ELMO1: variants seen among roughly 807,000 people sequenced by gnomAD.
ELMO1 encodes engulfment and cell motility protein 1.
In ELMO1, 26 loss-of-function variants were observed where a neutral mutation model predicts 98.9. That is an observed-to-expected ratio of 0.26 (90% confidence interval 0.19 to 0.36). ELMO1 has a LOEUF of 0.36. Among genes scored for constraint, ELMO1 ranks in the 10% least tolerant of loss-of-function variants. ELMO1 has a pLI of 1.00. For synonymous variants in ELMO1, 346 were observed against 346.0 expected (o/e 1.00, Z 0.00); for missense variants, 627 against 935.2 (o/e 0.67, Z 4.30).
chr7:37,169,146 G>C (rs371369311), intron 13 of ELMO1, among the ~76,000 whole-genome samples: 24 of 152,216 alleles, frequency 1.6e-4, no homozygotes, highest in Admixed American at 1.4e-3. Context: ...CTCCGAGCCA[G>C]GTGCGGGATA....
chr7:37,428,937 G>A (rs369270807), intron 1 of ELMO1, among the ~76,000 whole-genome samples: 1 of 152,314 alleles, frequency 6.6e-6, no homozygotes, highest in East Asian at 1.9e-4. Flanking sequence ...TCCATGTGTG[G>A]GAGAATAACT....
intron 14 of ELMO1, among the ~76,000 whole-genome samples, chr7:37,106,095 A>G (rs1784930116): frequency 6.6e-6 from 1 of 152,208 alleles, no homozygotes; most frequent in Non-Finnish European, 1.5e-5. Context: ...CAAACTCTCA[A>G]GCGTTTAGCT....
chr7:36,881,016 G>A (rs2129046755), intron 18 of ELMO1, among the ~76,000 whole-genome samples: 1 of 152,246 alleles, frequency 6.6e-6, no homozygotes, highest in East Asian at 1.9e-4. Flanking sequence ...TCCTATACAA[G>A]TTTCTCTTCT....
chr7:37,195,090 C>T (rs1791882838), intron 13 of ELMO1, among the ~76,000 whole-genome samples: 1 of 152,156 alleles, frequency 6.6e-6, no homozygotes, highest in Non-Finnish European at 1.5e-5. Context: ...GGGGTAGGAC[C>T]TGGACTGGGA....
intron 13 of ELMO1, among the ~76,000 whole-genome samples, chr7:37,151,026 A>G (rs961182224): frequency 2.0e-5 from 3 of 152,244 alleles, no homozygotes; most frequent in Non-Finnish European, 4.4e-5. Context: ...AGAAAGGCTC[A>G]TGCCCACCTG....
chr7:37,383,411 T>G (rs1802658076), intron 1 of ELMO1, among the ~76,000 whole-genome samples: 1 of 152,248 alleles, frequency 6.6e-6, no homozygotes, highest in South Asian at 2.1e-4. Context: ...TGATGCTATA[T>G]CAGAGGGCAT....
chr7:36,908,213 A>G (rs60164542), intron 16 of ELMO1, among the ~76,000 whole-genome samples: 7,349 of 152,314 alleles, frequency 0.048, 378 homozygotes, highest in African/African-American at 0.13. Flanking sequence ...CCAAGCACTC[A>G]GCTCAGAAGG....
At chr7:36,973,773 C>T (rs952444662) in intron 16 of ELMO1, among the ~76,000 whole-genome samples, 2 of 152,152 alleles carry the variant, frequency 1.3e-5, no homozygotes, top group Admixed American at 6.5e-5. Context: ...ACCGGGGCTG[C>T]GCGCGGCGCT....
intron 4 of ELMO1, among the ~76,000 whole-genome samples, chr7:37,286,007 G>C (rs1470921754): frequency 6.6e-6 from 1 of 151,416 alleles, no homozygotes; most frequent in Non-Finnish European, 1.5e-5. Context: ...AGAAAAAAGA[G>C]CTGCACTTAT....
At chr7:36,909,749 C>T (rs1584353159) in intron 16 of ELMO1, among the ~76,000 whole-genome samples, 1 of 152,136 alleles carries the variant, frequency 6.6e-6, no homozygotes, top group African/African-American at 2.4e-5. Flanking sequence ...TCCTTATTTG[C>T]TTTGGTTATA....
chr7:36,996,321 T>A lies in ELMO1; in HGVS notation c.1437+16978A>T, dbSNP rs561679993. Among the ~76,000 whole-genome samples the A allele has an allele frequency of 1.8e-4, 27 of 152,322 alleles. No homozygotes were observed. In the East Asian group the frequency reaches 2.1e-3, roughly 12 times the overall value. On this transcript the variant is annotated intron_variant, in intron 16 of 21. Coordinates refer to ENST00000310758, the MANE Select transcript of ELMO1 (RefSeq NM_014800.11). ...TTGTCCTAGAGTGTGCTTTTTCCTT[T>A]TAAGACCTTATCAGCTGATTTAAAA...
chr7:37,122,223 A>G (rs865778707), intron 14 of ELMO1, among the ~76,000 whole-genome samples: 2 of 152,256 alleles, frequency 1.3e-5, no homozygotes, highest in Admixed American at 6.5e-5. Context: ...AAGAAACTGC[A>G]TCAACTAACG....
chr7:37,024,068 T>C (rs1794431664), intron 15 of ELMO1, among the ~76,000 whole-genome samples: 1 of 152,162 alleles, frequency 6.6e-6, no homozygotes, highest in African/African-American at 2.4e-5. Context: ...GTGCTTCCTT[T>C]CTCCCTCCTT....
chr7:37,323,624 A>T (rs1278259257), intron 2 of ELMO1, among the ~76,000 whole-genome samples: 1 of 152,206 alleles, frequency 6.6e-6, no homozygotes, highest in East Asian at 1.9e-4. Context: ...CAGGAGGCAG[A>T]GGAAAAAAAC....
intron 15 of ELMO1, among the ~76,000 whole-genome samples, chr7:37,051,206 C>A (rs67406528): frequency 0.11 from 17,457 of 152,042 alleles, 1,163 homozygotes; most frequent in Middle Eastern, 0.2. Context: ...AAAAATGAAC[C>A]GTGTCTACTT....
chr7:36,946,107 T>C (rs186491537), intron 16 of ELMO1, among the ~76,000 whole-genome samples: 1 of 152,368 alleles, frequency 6.6e-6, no homozygotes, highest in Non-Finnish European at 1.5e-5. Flanking sequence ...TGTGCTTTTC[T>C]GCACCAAGCA....
intron 15 of ELMO1, among the ~76,000 whole-genome samples, chr7:37,075,049 C>A (rs745688557): frequency 6.6e-6 from 1 of 151,996 alleles, no homozygotes; most frequent in Non-Finnish European, 1.5e-5. Context: ...AAGATGTCCA[C>A]GAGCAATAAA....
chr7:37,332,772 G>A (rs557758161), intron 2 of ELMO1, among the ~76,000 whole-genome samples: 2 of 152,314 alleles, frequency 1.3e-5, no homozygotes, highest in African/African-American at 2.4e-5. Context: ...GGGGCAGGGG[G>A]CCCTGCCAAC....
intron 1 of ELMO1, among the ~76,000 whole-genome samples, chr7:37,344,363 A>G (rs772981751): frequency 6.6e-6 from 1 of 152,054 alleles, no homozygotes; most frequent in Non-Finnish European, 1.5e-5. Context: ...TTCTTTTAGT[A>G]TATTTTCTAA....
Sources: gnomAD v4.1 joint callset for allele counts (sites outside exome capture counted in the v4.1 genomes callset) on GRCh38, gnomAD v4.1.1 for gene constraint, MANE v1.5 for transcripts, NCBI Gene and HGNC (gene_info 2026-07-23, HGNC 2026-07-21) for gene names.